Variants in LAMC3 observed in about 807,000 individuals in gnomAD.
The protein encoded by LAMC3 is laminin subunit gamma 3, also known as laminin subunit gamma-3.
In LAMC3, 128 loss-of-function variants were observed where a neutral mutation model predicts 173.8. The observed-to-expected ratio is 0.74, with a 90% CI of 0.64 to 0.85. LAMC3 has a LOEUF of 0.85. Among genes scored for constraint, LAMC3 ranks in the 40% least tolerant of loss-of-function variants. The probability of loss-of-function intolerance (pLI) is 0.00; values close to 1 mark genes in which losing one functional copy is unlikely to be tolerated. For synonymous variants in LAMC3, 897 were observed against 909.1 expected, an observed-to-expected ratio of 0.99 and a Z score of 0.24; for missense variants, 2,022 against 2,156.0, an observed-to-expected ratio of 0.94 and a Z score of 1.23.
chr9:131,079,044 G>A lies in LAMC3; in HGVS notation c.3778-105G>A. 4.2e-6 allele frequency: 6 copies of A among 1,434,370 alleles called. No homozygotes were observed. The South Asian group carries it at 4.9e-5, about 12-fold the overall frequency. The allele number at this position is 1,434,370 out of a possible 1,614,324, so 88.9% of individuals were successfully genotyped here. On this transcript the variant is annotated intron_variant, in intron 22 of 27. Transcript: ENST00000361069. Reference sequence around the variant, plus strand: ...GCTTGGGTTCTTGGCTGGCAGCCAGGGGCAGACCCGCCGCCTCAGCCCAGC... The same window carrying A: ...GCTTGGGTTCTTGGCTGGCAGCCAGAGGCAGACCCGCCGCCTCAGCCCAGC...
chr9:131,077,910 G>A (rs1478185580), intron 22 of LAMC3, among the ~76,000 whole-genome samples: 1 of 152,080 alleles, frequency 6.6e-6, no homozygotes, highest in Non-Finnish European at 1.5e-5. Context: ...GACATTAGCA[G>A]TGTCATCAGA....
intron 9 of LAMC3, among the ~76,000 whole-genome samples, chr9:131,050,485 C>T (rs776368076): frequency 1.2e-4 from 19 of 152,280 alleles, no homozygotes; most frequent in African/African-American, 3.8e-4. Context: ...GTATTTAGGC[C>T]GAGCGCAATG....
At chr9:131,034,302 C>A (rs1433234966) in intron 3 of LAMC3, among the ~76,000 whole-genome samples, 1 of 152,222 alleles carries the variant, frequency 6.6e-6, no homozygotes, top group Non-Finnish European at 1.5e-5. Context: ...TCCCTGGTGA[C>A]CACTGTCCCC....
intron 11 of LAMC3, among the ~76,000 whole-genome samples, chr9:131,054,764 A>G (rs930974040): frequency 2.1e-5 from 3 of 146,298 alleles, no homozygotes; most frequent in Admixed American, 1.3e-4. Flanking sequence ...AAGAAAAAGA[A>G]AGAGAGAGGG....
chr9:131,081,491 TAGATGG>T (rs1284751914), intron 23 of LAMC3, among the ~76,000 whole-genome samples: 2 of 145,168 alleles, frequency 1.4e-5, no homozygotes, highest in Non-Finnish European at 1.5e-5. Flanking sequence ...CTCTCTTTTT[TAGATGG>T]AATCTTTATG....
At chr9:131,081,583 G>A (rs1391600990) in intron 23 of LAMC3, among the ~76,000 whole-genome samples, 3 of 151,848 alleles carry the variant, frequency 2.0e-5, no homozygotes, top group Non-Finnish European at 4.4e-5. Context: ...CCATACTCCC[G>A]CCTCAGCCTC....
At chr9:131,080,823 G>A (rs1331565661) in intron 23 of LAMC3, among the ~76,000 whole-genome samples, 1 of 152,200 alleles carries the variant, frequency 6.6e-6, no homozygotes, top group Non-Finnish European at 1.5e-5. Context: ...CAGCACCCAT[G>A]CCTTCGTCCT....
At chr9:131,069,537 A>C in intron 16 of LAMC3, 135 bp from the exon 17 acceptor site, 1 of 833,170 alleles carries the variant, frequency 1.2e-6, no homozygotes, top group South Asian at 1.5e-5. Flanking sequence ...AGGGCCCAGG[A>C]ATGTTTTTGA....
chr9:131,079,111 C>T, intron 22 of LAMC3, 38 bp from the exon 23 acceptor site: 4 of 1,606,804 alleles, frequency 2.5e-6, no homozygotes, highest in Non-Finnish European at 3.4e-6. Flanking sequence ...CTTGCCCTTC[C>T]TTTCCAGGCC....
intron 24 of LAMC3, among the ~76,000 whole-genome samples, chr9:131,084,039 A>ATTTTTTT (rs34293977): frequency 7.6e-6 from 1 of 131,192 alleles, no homozygotes; most frequent in Non-Finnish European, 1.6e-5. Context: ...CACACCCGGC[A>ATTTTTTT]TTTTTTTTTT....
chr9:131,039,110 C>T, intron 5 of LAMC3, 21 bp from the exon 6 acceptor site: 3 of 1,611,720 alleles, frequency 1.9e-6, no homozygotes, highest in Non-Finnish European at 2.5e-6. Context: ...CCTCAATTGC[C>T]CTGTGCCCTT....
chr9:131,091,886 G>T lies in LAMC3; in HGVS notation c.*99G>T. Reference sequence around the variant, plus strand: ...AGGTGTGCCCATACAGACATTCCCCGGAGCCGGCTGCTGTGAACTCGCCCC... The same window carrying T: ...AGGTGTGCCCATACAGACATTCCCCTGAGCCGGCTGCTGTGAACTCGCCCC... On this transcript the variant is annotated 3_prime_UTR_variant, in exon 28 of 28. Coordinates refer to ENST00000361069, the MANE Select transcript of LAMC3 (RefSeq NM_006059.4). 6.9e-7 allele frequency: 1 copy of T among 1,453,234 alleles called. No homozygotes were observed. The highest frequency in any genetic ancestry group is 2.4e-5 in the East Asian group (1 of 41,320). 90.0% of individuals were successfully genotyped at this position (1,453,234 alleles called of 1,614,324 possible).
chr9:131,050,560 G>T (rs1262609452), intron 9 of LAMC3, among the ~76,000 whole-genome samples: 1 of 152,156 alleles, frequency 6.6e-6, no homozygotes, highest in Admixed American at 6.5e-5. Context: ...GAGGTCAGGA[G>T]TTCAAGACCA....
At chr9:131,088,770 C>T (rs1830371326) in intron 27 of LAMC3, among the ~76,000 whole-genome samples, 1 of 152,046 alleles carries the variant, frequency 6.6e-6, no homozygotes, top group South Asian at 2.1e-4. Context: ...CATCATTCTA[C>T]TTTCTGTCTC....
chr9:131,062,538 C>G (rs1829850549), intron 13 of LAMC3, among the ~76,000 whole-genome samples: 1 of 151,962 alleles, frequency 6.6e-6, no homozygotes, highest in Non-Finnish European at 1.5e-5. Flanking sequence ...ATCTCTAGAA[C>G]TTTATCATCA....
At chr9:131,047,937 C>CA (rs201190460) in intron 8 of LAMC3, among the ~76,000 whole-genome samples, 28 of 50,220 alleles carry the variant, frequency 5.6e-4, no homozygotes, top group African/African-American at 9.5e-4. Context: ...TTAGCAGAGA[C>CA]GGGGTTTGCC....
intron 22 of LAMC3, 71 bp downstream of exon 22, chr9:131,077,405 G>A (rs952604767): frequency 3.5e-5 from 55 of 1,583,326 alleles, no homozygotes; most frequent in East Asian, 2.3e-4. Context: ...GGCTGGGCAC[G>A]GTGGCTCACG....
intron 9 of LAMC3, among the ~76,000 whole-genome samples, chr9:131,051,388 G>A (rs536078058): frequency 9.2e-5 from 11 of 119,092 alleles, no homozygotes; most frequent in Non-Finnish European, 1.2e-4. Context: ...TTTTTGAGAC[G>A]GAGTCTTGCT....
intron 23 of LAMC3, chr9:131,080,321 A>T (rs1588168593): frequency 4.8e-5 from 5 of 103,330 alleles, no homozygotes; most frequent in African/African-American, 7.9e-5. Flanking sequence ...ACAGACTCTT[A>T]CTCTGTCACC....
Sources: allele counts gnomAD v4.1 joint callset (sites outside exome capture counted in the v4.1 genomes callset), GRCh38; gene constraint gnomAD v4.1.1; transcripts MANE v1.5; gene names NCBI Gene and HGNC (gene_info 2026-07-23, HGNC 2026-07-21).